LETMD1: variants seen among roughly 807,000 people sequenced by gnomAD.
The protein encoded by LETMD1 is LETM1 domain containing 1, also known as LETM1 domain-containing protein 1.
Under a neutral mutation model 43.9 loss-of-function variants are expected in LETMD1, and 30 were observed. The ratio of observed to expected loss-of-function variants is 0.68; its 90% CI spans 0.51 to 0.93. LETMD1 has a LOEUF of 0.93. Ranked by LOEUF, LETMD1 falls within the 40% of genes least tolerant of loss-of-function variation. The pLI is 0.00. For synonymous variants in LETMD1, 176 were observed against 163.1 expected (o/e 1.08, Z -0.60); for missense variants, 413 against 447.7 (o/e 0.92, Z 0.70).
At position 51,060,304 on chromosome 12, in the gene LETMD1, T is replaced by G. The variant is rs1376778495; in HGVS notation, c.*873T>G. On this transcript the variant is annotated 3_prime_UTR_variant, in exon 9 of 9. Coordinates refer to ENST00000262055, the MANE Select transcript of LETMD1 (RefSeq NM_015416.5). ...AGGAGAGGTCTGCATAGTTAGTAAG[T>G]TGGGTTTAGCTTTTGTGTGTGCATC... is the stretch of plus-strand genomic sequence containing the variant. 3.3e-5 allele frequency: 5 copies of G among 152,654 alleles called. No individual in the cohort carries two copies. Among genetic ancestry groups the G allele is most frequent in the Non-Finnish European group, 7.3e-5 (5 of 68,052 alleles). 9.5% of individuals were successfully genotyped at this position (152,654 alleles called of 1,614,324 possible). A position where few individuals can be genotyped will look rare whatever the true frequency, so the allele number is the denominator to read the frequency against.
At chr12:51,056,575 C>T (rs756529785) in intron 7 of LETMD1, 73 bp downstream of exon 7, 1 of 1,447,600 alleles carries the variant, frequency 6.9e-7, no homozygotes, top group Non-Finnish European at 9.7e-7. Flanking sequence ...CGGAGGTTTA[C>T]AGGGGCTCCT....
At chr12:51,067,753 G>A in the LETMD1 span, 1 of 1,614,182 alleles carries the variant, frequency 6.2e-7, no homozygotes, top group Non-Finnish European at 8.5e-7. The surrounding 1 kb of genome is among the most constrained non-coding windows in gnomAD (Gnocchi z 4.1). Flanking sequence ...CATTCTTCCC[G>A]TGACAGGCGG....
At chr12:51,067,849 G>C in the LETMD1 span, 2 of 1,614,226 alleles carry the variant, frequency 1.2e-6, no homozygotes, top group Non-Finnish European at 1.7e-6. This position sits in a 1 kb window ranked among gnomAD's most constrained non-coding sequence, Gnocchi z 4.1. Context: ...TTGGTGGGCA[G>C]AGGCTGCAGG....
rs76739151 is a variant in LETMD1 at position 51,053,916 on chromosome 12, T to C, written c.473+56T>C. 6.0e-3 allele frequency: 7,120 copies of C among 1,185,548 alleles called. 329 individuals carry two copies. In the African/African-American group the frequency reaches 0.098, roughly 16 times the overall value. The allele number at this position is 1,185,548 out of a possible 1,614,324, so 73.4% of individuals were successfully genotyped here. On this transcript the variant is annotated intron_variant, in intron 4 of 8. Coordinates refer to ENST00000262055, the MANE Select transcript of LETMD1 (RefSeq NM_015416.5). ...TTGAAGATGTATCAATTTTTTTAAA[T>C]TAAGAATTACTTTAAACAGCACTCA...
chr12:51,053,940 C>A, intron 4 of LETMD1, 80 bp downstream of exon 4: 2 of 915,934 alleles, frequency 2.2e-6, no homozygotes, highest in South Asian at 1.6e-5. Flanking sequence ...AAACAGCACT[C>A]ATTTCAGAAG....
chr12:51,065,273 CTAGTT>C (rs1938045538), downstream of LETMD1, among the ~76,000 whole-genome samples: 1 of 152,168 alleles, frequency 6.6e-6, no homozygotes, highest in African/African-American at 2.4e-5. Flanking sequence ...TGAGGGTTGA[CTAGTT>C]TAGTTCTGAA....
In LETMD1 at chr12:51,055,834, G is replaced by C; in HGVS notation, c.474-1G>C. 1 of 1,592,780 alleles carries C rather than the reference G, an allele frequency of 6.3e-7. No homozygotes were observed. The highest frequency in any genetic ancestry group is 8.5e-7 in the Non-Finnish European group (1 of 1,169,660). On this transcript the variant is annotated splice_acceptor_variant, in intron 4 of 8. Transcript: ENST00000262055. LOFTEE classifies it high-confidence loss of function. ...GAGTTTGTGATTCTTTCTCCTTTCA[G>C]GTACCTGTTTCCCAGGCAACTACTG... is the stretch of plus-strand genomic sequence containing the variant.
Position 51,052,102 on chromosome 12 carries a change from G to T in LETMD1, c.285G>T (p.Met95Ile). ...LYTIFMKGLQ[M>I]LWADAKKARR... The stretch of plus-strand genomic sequence containing the variant: ...ACTTTAATGAGGCAGGATTGCAGAT[G>T]TTATGGGCTGATGCCAAAAAGGCTA... The change falls in exon 3 of 9, where the codon ATG (methionine) becomes ATT (isoleucine). Residue 95 changes from methionine to isoleucine, a missense_variant. Transcript: ENST00000262055. 1 of 1,613,948 alleles carries T rather than the reference G, an allele frequency of 6.2e-7. No homozygotes were observed.
downstream of LETMD1, chr12:51,060,505 A>G (rs1409614220): frequency 6.6e-6 from 1 of 152,262 alleles, no homozygotes; most frequent in African/African-American, 2.4e-5. Flanking sequence ...ATTGGTTGGC[A>G]TAGAACCTTC....
Position 51,059,402 on chromosome 12 carries a change from T to C in LETMD1, c.1054T>C (p.Ser352Pro). ...SLLLHNVVLLSTNYLGTRR is the reference protein window; with the variant it reads ...SLLLHNVVLLPTNYLGTRR ...CTTGCTGCACAACGTGGTCCTGCTC[T>C]CCACCAACTACCTTGGGACAAGGCG... is the stretch of plus-strand genomic sequence containing the variant. The change falls in exon 9 of 9, where the codon TCC (serine) becomes CCC (proline). Residue 352 changes from serine to proline, a missense_variant. Physicochemically the swap from Ser to Pro is moderately conservative, Grantham distance 74. Coordinates refer to ENST00000262055, the MANE Select transcript of LETMD1 (RefSeq NM_015416.5). 6.2e-7 allele frequency: 1 copy of C among 1,614,232 alleles called. No homozygotes were observed. The highest frequency in any genetic ancestry group is 8.5e-7 in the Non-Finnish European group (1 of 1,180,022).
At chr12:51,067,635 T>C in the LETMD1 span, 1 of 1,591,222 alleles carries the variant, frequency 6.3e-7, no homozygotes, top group African/African-American at 1.3e-5. This position sits in a 1 kb window ranked among gnomAD's most constrained non-coding sequence, Gnocchi z 4.1. Flanking sequence ...CCGCTGACCC[T>C]GGTGTAGATA....
downstream of LETMD1, chr12:51,063,846 C>T (rs759341085): frequency 1.8e-5 from 29 of 1,613,724 alleles, no homozygotes; most frequent in African/African-American, 4.0e-5. Context: ...ATTGTCCGTG[C>T]GGAAGGGGAG....
rs887750068 is a variant in LETMD1 at position 51,048,777 on chromosome 12, T to G, written c.123-257T>G. The G allele has an allele frequency of 5.1e-6, 3 of 586,822 alleles. No individual in the cohort carries two copies. In the African/African-American group the frequency reaches 5.6e-5, roughly 11 times the overall value. The allele number at this position is 586,822 out of a possible 1,614,324, so 36.4% of individuals were successfully genotyped here. On this transcript the variant is annotated intron_variant, in intron 1 of 8. Transcript: ENST00000262055. ...GATTCCACCTCTTTCTGACTTAGCC[T>G]GCAGTTCAAATTGTCCCACAGGCAT...
chr12:51,053,573 G>A (rs377650683), intron 3 of LETMD1, among the ~76,000 whole-genome samples: 2 of 152,266 alleles, frequency 1.3e-5, no homozygotes, highest in African/African-American at 4.8e-5. Context: ...AACCCAGGAG[G>A]CAGAGGTTGC....
chr12:51,052,305 TC>T, intron 3 of LETMD1, 98 bp downstream of exon 3: 1 of 1,437,500 alleles, frequency 7.0e-7, no homozygotes, highest in Non-Finnish European at 9.4e-7. Flanking sequence ...TCACCATTGA[TC>T]AAGCTTTTGC....
the LETMD1 span, chr12:51,067,699 A>G: frequency 1.2e-6 from 2 of 1,613,826 alleles, no homozygotes; most frequent in Non-Finnish European, 1.7e-6. The surrounding 1 kb of genome is among the most constrained non-coding windows in gnomAD (Gnocchi z 4.1). Flanking sequence ...GCCTGGCTGC[A>G]GGCACACGCT....
downstream of LETMD1, chr12:51,064,063 CT>C: frequency 6.2e-7 from 1 of 1,614,208 alleles, no homozygotes; most frequent in Non-Finnish European, 8.5e-7. Context: ...GAGGCTGAGC[CT>C]TCTTCCGTAC....
upstream of LETMD1, chr12:51,048,300 T>A: frequency 1.2e-6 from 2 of 1,612,620 alleles, no homozygotes; most frequent in Admixed American, 1.7e-5. Context: ...GAACGCGACG[T>A]ACGGTTAACT....
chr12:51,057,938 T>G (rs1285179152), intron 7 of LETMD1, 94 bp from the exon 8 acceptor site: 1 of 947,576 alleles, frequency 1.1e-6, no homozygotes. Flanking sequence ...TTGTAACTTA[T>G]TTAAAGGAGA....
Sources: gnomAD v4.1 joint callset for allele counts (sites outside exome capture counted in the v4.1 genomes callset) on GRCh38, gnomAD v4.1.1 for gene constraint, Gnocchi (gnomAD v3.1) non-coding constraint, MANE v1.5 for transcripts, NCBI Gene and HGNC (gene_info 2026-07-23, HGNC 2026-07-21) for gene names.